Variants in CHSY3 observed in about 807,000 individuals in gnomAD.
CHSY3 encodes the protein chondroitin sulfate synthase 3.
A neutral mutation model predicts 67.2 loss-of-function variants in CHSY3; 35 were observed. That is an observed-to-expected ratio of 0.52 (90% CI 0.40 to 0.69). The LOEUF is 0.69. Ranked by LOEUF, CHSY3 falls within the 30% of genes least tolerant of loss-of-function variation. The pLI, the probability that CHSY3 is intolerant of heterozygous loss-of-function variation, is 0.00. For synonymous variants in CHSY3, 474 were observed against 434.7 expected (o/e 1.09, Z -1.12); for missense variants, 1,069 against 1,138.5 (o/e 0.94, Z 0.88).
At chr5:129,980,358 AC>A (rs1762947041) in intron 2 of CHSY3, among the ~76,000 whole-genome samples, 1 of 152,226 alleles carries the variant, frequency 6.6e-6, no homozygotes, top group South Asian at 2.1e-4. Flanking sequence ...TTCACATTTG[AC>A]ATTTCATTCA....
chr5:129,946,140 T>C (rs1156232250), intron 2 of CHSY3, among the ~76,000 whole-genome samples: 1 of 152,228 alleles, frequency 6.6e-6, no homozygotes, highest in African/African-American at 2.4e-5. Context: ...ACCAGTTATT[T>C]CTTTTGTCCT....
At chr5:130,001,821 A>G in intron 2 of CHSY3, 1 of 832,654 alleles carries the variant, frequency 1.2e-6, no homozygotes, top group Non-Finnish European at 1.4e-6. Context: ...ACAAATATCT[A>G]TTTTCCTGTA....
At chr5:129,995,994 G>A (rs1763527872) in intron 2 of CHSY3, among the ~76,000 whole-genome samples, 1 of 151,766 alleles carries the variant, frequency 6.6e-6, no homozygotes, top group South Asian at 2.1e-4. Context: ...TCTAGATATA[G>A]AGCATAGGGC....
Position 130,086,205 on chromosome 5 carries a change from T to C in CHSY3, c.1087-98024T>C, listed in dbSNP as rs570168932. On this transcript the variant is annotated intron_variant, in intron 2 of 2. Coordinates refer to ENST00000305031, the MANE Select transcript of CHSY3 (RefSeq NM_175856.5). ...TCGTTGATCTGTCTAATGTTGACAGTGGGGTGTTAAATTCTCCCATTATTA... is the reference window on the plus strand; with the variant it reads ...TCGTTGATCTGTCTAATGTTGACAGCGGGGTGTTAAATTCTCCCATTATTA... Among the ~76,000 whole-genome samples, 313 of 152,164 alleles carry C rather than the reference T, an allele frequency of 2.1e-3. 3 individuals carry two copies. Among genetic ancestry groups the C allele is most frequent in the South Asian group, 4.6e-3 (22 of 4,816 alleles).
intron 2 of CHSY3, among the ~76,000 whole-genome samples, chr5:130,102,900 A>G (rs1422351284): frequency 6.6e-6 from 1 of 152,104 alleles, no homozygotes; most frequent in Non-Finnish European, 1.5e-5. Flanking sequence ...AGGAAAGACC[A>G]TATAATTACT....
chr5:129,996,273 C>A (rs929477491), intron 2 of CHSY3, among the ~76,000 whole-genome samples: 4 of 152,064 alleles, frequency 2.6e-5, no homozygotes, highest in African/African-American at 9.7e-5. Flanking sequence ...ATCTGTACAC[C>A]CAGCCAGTAC....
At chr5:129,994,847 T>C (rs1405501300) in intron 2 of CHSY3, among the ~76,000 whole-genome samples, 1 of 133,338 alleles carries the variant, frequency 7.5e-6, no homozygotes, top group Non-Finnish European at 1.5e-5. Flanking sequence ...AATTGAACAA[T>C]GAGAACACTT....
At chr5:130,118,332 C>T (rs1300126117) in intron 2 of CHSY3, among the ~76,000 whole-genome samples, 1 of 152,096 alleles carries the variant, frequency 6.6e-6, no homozygotes, top group Non-Finnish European at 1.5e-5. Flanking sequence ...TGCAGATAAA[C>T]TTAACAAAAC....
intron 2 of CHSY3, among the ~76,000 whole-genome samples, chr5:130,159,055 C>T (rs1348101887): frequency 6.6e-6 from 1 of 151,974 alleles, no homozygotes; most frequent in Non-Finnish European, 1.5e-5. Context: ...CTGCCTCAGC[C>T]TCCCAAAGTG....
At chr5:129,908,932 G>A (rs988328986) in intron 2 of CHSY3, among the ~76,000 whole-genome samples, 16 of 152,094 alleles carry the variant, frequency 1.1e-4, no homozygotes, top group African/African-American at 3.1e-4. Flanking sequence ...TATTTCCTTA[G>A]GCATACAAAA....
intron 2 of CHSY3, among the ~76,000 whole-genome samples, chr5:130,020,877 C>T (rs933172553): frequency 6.6e-6 from 1 of 152,104 alleles, no homozygotes; most frequent in African/African-American, 2.4e-5. Flanking sequence ...TTGATCTAAC[C>T]CCTTCCACAC....
intron 2 of CHSY3, among the ~76,000 whole-genome samples, chr5:130,041,789 T>A (rs1172028930): frequency 6.6e-6 from 1 of 152,186 alleles, no homozygotes; most frequent in Non-Finnish European, 1.5e-5. Flanking sequence ...GAGGATTAAA[T>A]GCATAGTGAT....
At chr5:130,137,919 C>T (rs951192375) in intron 2 of CHSY3, among the ~76,000 whole-genome samples, 1 of 152,070 alleles carries the variant, frequency 6.6e-6, no homozygotes, top group African/African-American at 2.4e-5. Context: ...ACCTTCAAGC[C>T]AGCTGGAAGT....
intron 2 of CHSY3, among the ~76,000 whole-genome samples, chr5:130,102,613 A>G (rs1389194197): frequency 6.6e-6 from 1 of 152,058 alleles, no homozygotes; most frequent in Non-Finnish European, 1.5e-5. Flanking sequence ...CATTACCTCT[A>G]TGTAAACACA....
rs539409942 is a variant in CHSY3, at chr5:129,982,569, T to A, written c.1086+74209T>A. Among the ~76,000 whole-genome samples the A allele has an allele frequency of 1.9e-4, 29 of 152,170 alleles. No individual in the cohort carries two copies. In the South Asian group the frequency reaches 6.0e-3, roughly 32 times the overall value. On this transcript the variant is annotated intron_variant, in intron 2 of 2. Transcript: ENST00000305031. Reference sequence around the variant, plus strand: ...TCTTTTGTACGATTCAGAACTATATTTTTTTAAAGGGTAAAGAACAGGTAC... The same window carrying A: ...TCTTTTGTACGATTCAGAACTATATATTTTTAAAGGGTAAAGAACAGGTAC...
At chr5:130,035,372 A>G (rs926369253) in intron 2 of CHSY3, among the ~76,000 whole-genome samples, 1 of 152,158 alleles carries the variant, frequency 6.6e-6, no homozygotes, top group African/African-American at 2.4e-5. Context: ...TCTGGTATAA[A>G]CAGCCAAAAA....
chr5:130,104,233 T>C (rs1767345211), intron 2 of CHSY3, among the ~76,000 whole-genome samples: 1 of 151,866 alleles, frequency 6.6e-6, no homozygotes, highest in South Asian at 2.1e-4. Context: ...AATGCATCTA[T>C]GAAAATTTCT....
Position 130,015,749 on chromosome 5 carries a change from T to C in CHSY3, c.1086+107389T>C, listed in dbSNP as rs541349970. Among the ~76,000 whole-genome samples the C allele has an allele frequency of 3.9e-5, 6 of 152,320 alleles. No individual in the cohort carries two copies. The South Asian group carries it at 1.2e-3, about 32-fold the overall frequency. ...ATTACTGGGTATATACCCAAAGGAATAGAAATCATTCTACTGTAAAGATAC... is the reference window on the plus strand; with the variant it reads ...ATTACTGGGTATATACCCAAAGGAACAGAAATCATTCTACTGTAAAGATAC... On this transcript the variant is annotated intron_variant, in intron 2 of 2. Coordinates refer to ENST00000305031, the MANE Select transcript of CHSY3 (RefSeq NM_175856.5).
At chr5:129,989,353 C>T (rs549197353) in intron 2 of CHSY3, among the ~76,000 whole-genome samples, 10 of 150,932 alleles carry the variant, frequency 6.6e-5, no homozygotes, top group Middle Eastern at 3.4e-3. Context: ...CCTCTGCCTC[C>T]GGGGTTCAAG....
Sources: allele counts gnomAD v4.1 joint callset (sites outside exome capture counted in the v4.1 genomes callset), GRCh38; gene constraint gnomAD v4.1.1; transcripts MANE v1.5; gene names NCBI Gene and HGNC (gene_info 2026-07-23, HGNC 2026-07-21).